The following MCUB variants were observed in gnomAD, a reference collection of about 807,000 sequenced individuals.
MCUB encodes the protein mitochondrial calcium uniporter dominant negative subunit beta.
Under a neutral mutation model 41.4 loss-of-function variants are expected in MCUB, and 46 were observed. The ratio of observed to expected loss-of-function variants is 1.11; its 90% confidence interval spans 0.88 to 1.42. The LOEUF is 1.42. Among genes scored for constraint, MCUB ranks in the 40% most tolerant of loss-of-function variants. The probability of loss-of-function intolerance (pLI) is 0.00; values close to 1 mark genes in which losing one functional copy is unlikely to be tolerated. For missense variants in MCUB, 403 were observed against 404.9 expected (o/e 1.00, Z 0.04); for synonymous variants, 148 against 148.2 (o/e 1.00, Z 0.01).
intron 1 of MCUB, among the ~76,000 whole-genome samples, chr4:109,625,246 C>G (rs542433041): frequency 2.3e-4 from 35 of 152,292 alleles, no homozygotes. Flanking sequence ...AGTGCCTTCT[C>G]CCAGCTACTC....
At chr4:109,664,162 C>G (rs1481226360) in intron 3 of MCUB, 128 bp from the exon 4 acceptor site, 2 of 633,296 alleles carry the variant, frequency 3.2e-6, no homozygotes, top group Non-Finnish European at 5.7e-6. Context: ...TTTGGGGACA[C>G]CCCCCACAAA....
chr4:109,644,463 C>T (rs1333910063), intron 1 of MCUB, among the ~76,000 whole-genome samples: 1 of 152,194 alleles, frequency 6.6e-6, no homozygotes, highest in Non-Finnish European at 1.5e-5. Flanking sequence ...AAAAACTTTG[C>T]ATAAACAAAG....
intron 1 of MCUB, among the ~76,000 whole-genome samples, chr4:109,634,142 C>G (rs145545504): frequency 6.8e-4 from 104 of 152,158 alleles, no homozygotes; most frequent in African/African-American, 2.4e-3. Context: ...TCATGCCATG[C>G]AGTTAGAATC....
intron 1 of MCUB, among the ~76,000 whole-genome samples, chr4:109,566,285 C>T (rs963531564): frequency 6.6e-6 from 1 of 151,356 alleles, no homozygotes; most frequent in Non-Finnish European, 1.5e-5. Flanking sequence ...CTGGCTAACA[C>T]GGTGAAACCC....
intron 4 of MCUB, among the ~76,000 whole-genome samples, chr4:109,668,704 T>C (rs1043577577): frequency 1.3e-5 from 2 of 152,040 alleles, no homozygotes; most frequent in African/African-American, 4.8e-5. Context: ...CACTGTTTTT[T>C]TTTTTCCTGT....
intron 1 of MCUB, chr4:109,648,694 ATTT>A (rs34522361): frequency 6.4e-3 from 1,514 of 236,698 alleles, no homozygotes; most frequent in South Asian, 0.01. Flanking sequence ...TAGCAGTTTG[ATTT>A]TTTTTTTTTT....
At chr4:109,565,604 A>G (rs1244844032) in intron 1 of MCUB, among the ~76,000 whole-genome samples, 1 of 152,202 alleles carries the variant, frequency 6.6e-6, no homozygotes, top group Non-Finnish European at 1.5e-5. Flanking sequence ...AATGCGATAA[A>G]AAAAGATTCT....
chr4:109,685,403 G>A (rs372928800), intron 7 of MCUB, 36 bp downstream of exon 7: 1 of 900,938 alleles, frequency 1.1e-6, no homozygotes, highest in African/African-American at 1.6e-5. Flanking sequence ...TGGTTTGTTT[G>A]GGAGCCAGAA....
intron 3 of MCUB, among the ~76,000 whole-genome samples, chr4:109,661,009 T>C (rs935673951): frequency 3.3e-5 from 5 of 152,192 alleles, no homozygotes; most frequent in African/African-American, 4.8e-5. Flanking sequence ...CAAAATGCAG[T>C]TTTAATTATT....
chr4:109,604,108 CAT>C (rs1554017119), intron 1 of MCUB, among the ~76,000 whole-genome samples: 1 of 151,930 alleles, frequency 6.6e-6, no homozygotes, highest in Non-Finnish European at 1.5e-5. Context: ...CTCTCTGAAA[CAT>C]GTGCTGTGTC....
At chr4:109,596,022 TC>T (rs1727548742) in intron 1 of MCUB, among the ~76,000 whole-genome samples, 1 of 129,972 alleles carries the variant, frequency 7.7e-6, no homozygotes, top group Non-Finnish European at 1.6e-5. Flanking sequence ...CAGCCTCTTA[TC>T]CTTCACCTGG....
chr4:109,674,115 TA>T, intron 4 of MCUB: 1 of 1,432,042 alleles, frequency 7.0e-7, no homozygotes, highest in Non-Finnish European at 9.8e-7. Flanking sequence ...GGGCAAAACC[TA>T]AGCCTTAGAA....
chr4:109,640,124 C>T (rs1222216041), intron 1 of MCUB, among the ~76,000 whole-genome samples: 1 of 152,178 alleles, frequency 6.6e-6, no homozygotes, highest in Non-Finnish European at 1.5e-5. Flanking sequence ...TCACAAGGTA[C>T]ATTCTCAAGG....
intron 1 of MCUB, among the ~76,000 whole-genome samples, chr4:109,604,193 C>T (rs969404292): frequency 4.6e-5 from 7 of 151,592 alleles, no homozygotes; most frequent in East Asian, 1.9e-4. Flanking sequence ...GCAGCATGCT[C>T]GTTAAGAGTC....
chr4:109,569,248 A>G (rs1164179649), intron 1 of MCUB, among the ~76,000 whole-genome samples: 2 of 151,802 alleles, frequency 1.3e-5, no homozygotes, highest in African/African-American at 2.4e-5. Context: ...GGGTTTCACC[A>G]TGTTAGCCAG....
At position 109,595,627 on chromosome 4, in the gene MCUB, A is replaced by G. The variant is rs189618439; in HGVS notation, c.99+35191A>G. 5.7e-4 allele frequency among the ~76,000 whole-genome samples: 87 copies of G among 152,396 alleles called. No individual in the cohort carries two copies. The East Asian group carries it at 0.012, about 20-fold the overall frequency. On this transcript the variant is annotated intron_variant, in intron 1 of 7. Coordinates refer to ENST00000394650, the MANE Select transcript of MCUB (RefSeq NM_017918.5). Reference sequence around the variant, plus strand: ...GGCACATTTCAGGTGCACCACAACTATATGTGGCTAGTGGCTACTATATTG... The same window carrying G: ...GGCACATTTCAGGTGCACCACAACTGTATGTGGCTAGTGGCTACTATATTG...
chr4:109,672,830 C>A (rs1436792920), intron 4 of MCUB, among the ~76,000 whole-genome samples: 2 of 152,162 alleles, frequency 1.3e-5, no homozygotes, highest in Non-Finnish European at 2.9e-5. Flanking sequence ...GACTTGCTCC[C>A]TCTCCCCCTT....
chr4:109,681,602 T>A, intron 4 of MCUB: 1 of 304,706 alleles, frequency 3.3e-6, no homozygotes, highest in Non-Finnish European at 6.6e-6. Context: ...AAGTCGTGGG[T>A]CACGGAAGAC....
chr4:109,615,680 A>G (rs1371634318), intron 1 of MCUB, among the ~76,000 whole-genome samples: 1 of 152,122 alleles, frequency 6.6e-6, no homozygotes, highest in Non-Finnish European at 1.5e-5. Flanking sequence ...AAGTGCTGGG[A>G]TTACAGGCAT....
Sources: gnomAD v4.1 joint callset for allele counts (sites outside exome capture counted in the v4.1 genomes callset) on GRCh38, gnomAD v4.1.1 for gene constraint, MANE v1.5 for transcripts, NCBI Gene and HGNC (gene_info 2026-07-23, HGNC 2026-07-21) for gene names.